The following POTEH variants were observed in gnomAD, a reference collection of about 807,000 sequenced individuals.
POTEH encodes the protein ANKRD26-like family C member 3.
Under a neutral mutation model 41.7 loss-of-function variants are expected in POTEH, and 6 were observed. The ratio of observed to expected loss-of-function variants is 0.14; its 90% CI spans 0.08 to 0.28. The LOEUF is 0.28. Among genes scored for constraint, POTEH ranks in the 10% least tolerant of loss-of-function variants. The pLI is 1.00. For missense variants in POTEH, 115 were observed against 533.5 expected (o/e 0.22, Z 7.73); for synonymous variants, 38 against 179.9 (o/e 0.21, Z 6.31).
chr22:15,713,536 G>T (rs1989864226), intron 9 of POTEH, among the ~76,000 whole-genome samples: 1 of 151,714 alleles, frequency 6.6e-6, no homozygotes. Context: ...GTCTGGCTTT[G>T]TCCCCTAGGC....
At chr22:15,719,611 C>CCAGT (rs1989985799) in intron 9 of POTEH, 49 bp from the exon 10 acceptor site, 3 of 511,392 alleles carry the variant, frequency 5.9e-6, no homozygotes, top group Non-Finnish European at 1.0e-5. Flanking sequence ...CCCTGTAGAT[C>CCAGT]ATTTTGGGGA....
At chr22:15,692,910 T>A (rs866220796) in intron 1 of POTEH, among the ~76,000 whole-genome samples, 3 of 126,194 alleles carry the variant, frequency 2.4e-5, no homozygotes, top group Admixed American at 8.1e-5. Context: ...TGCTTTTTAC[T>A]CATCAGTTCC....
chr22:15,690,063 G>C lies in POTEH; in HGVS notation c.-15G>C. The stretch of plus-strand genomic sequence containing the variant: ...CTGCTGGCTACTACCGGCCTTCCCT[G>C]GCTGTTAAAAGCAGATGGTGGCTGA... On this transcript the variant is annotated 5_prime_UTR_variant, in exon 1 of 11. Transcript: ENST00000343518. 2 of 1,398,194 alleles carry C rather than the reference G, an allele frequency of 1.4e-6. 1 individual carries two copies. Among genetic ancestry groups the C allele is most frequent in the Non-Finnish European group, 2.0e-6 (2 of 1,008,136 alleles). 86.6% of individuals were successfully genotyped at this position (1,398,194 alleles called of 1,614,324 possible). A position where few individuals can be genotyped will look rare whatever the true frequency, so the allele number is the denominator to read the frequency against.
chr22:15,692,108 C>A (rs1989334090), intron 1 of POTEH, among the ~76,000 whole-genome samples: 1 of 131,256 alleles, frequency 7.6e-6, no homozygotes, highest in South Asian at 2.4e-4. Flanking sequence ...TAGGTTCAAG[C>A]AATTCTCTGC....
At position 15,721,589 on chromosome 22, in the gene POTEH, G is replaced by GCATA; in HGVS notation, c.*305_*306insCATA. Reference sequence around the variant, plus strand: ...CCCCCGGGCTGTCTTCCCTTCCATCGTGGGGTGCCCCAGGCACCAGAACAT... The same window carrying GCATA: ...CCCCCGGGCTGTCTTCCCTTCCATCGCATATGGGGTGCCCCAGGCACCAGAACAT... On this transcript the variant is annotated 3_prime_UTR_variant, in exon 11 of 11. Coordinates refer to ENST00000343518, the MANE Select transcript of POTEH (RefSeq NM_001136213.1). The GCATA allele has an allele frequency of 6.6e-7, 1 of 1,521,184 alleles. No homozygotes were observed. The highest frequency in any genetic ancestry group is 8.9e-7 in the Non-Finnish European group (1 of 1,125,566). 94.2% of individuals were successfully genotyped at this position (1,521,184 alleles called of 1,614,324 possible).
intron 9 of POTEH, among the ~76,000 whole-genome samples, chr22:15,718,332 G>T (rs1989950622): frequency 2.7e-5 from 1 of 37,500 alleles, no homozygotes; most frequent in East Asian, 6.7e-4. Flanking sequence ...GACTGCTTTG[G>T]GCACTGTGGT....
At chr22:15,718,954 C>T (rs1228592909) in intron 9 of POTEH, among the ~76,000 whole-genome samples, 4 of 147,048 alleles carry the variant, frequency 2.7e-5, no homozygotes. Flanking sequence ...ACATAGGAAT[C>T]AAGAATATAA....
intron 1 of POTEH, among the ~76,000 whole-genome samples, chr22:15,692,325 C>T (rs1256022792): frequency 6.8e-6 from 1 of 146,160 alleles, no homozygotes; most frequent in Non-Finnish European, 1.5e-5. Flanking sequence ...ATAAAATAAG[C>T]ACATTTTAAA....
intron 9 of POTEH, among the ~76,000 whole-genome samples, chr22:15,717,453 A>T (rs1196500798): frequency 3.2e-5 from 3 of 92,506 alleles, no homozygotes; most frequent in Middle Eastern, 5.0e-3. Context: ...ATCCACACCA[A>T]CATCTGTTTT....
chr22:15,694,753 G>A (rs2818588), intron 1 of POTEH, among the ~76,000 whole-genome samples: 1,945 of 93,596 alleles, frequency 0.021, 1 homozygote, highest in Non-Finnish European at 0.025. Context: ...TTTAAATGCC[G>A]CCAATTATAG....
intron 1 of POTEH, among the ~76,000 whole-genome samples, chr22:15,692,903 T>G (rs1989360466): frequency 7.9e-6 from 1 of 126,778 alleles, no homozygotes; most frequent in African/African-American, 2.8e-5. Flanking sequence ...AATGTTATGC[T>G]TTTTACTCAT....
intron 9 of POTEH, among the ~76,000 whole-genome samples, chr22:15,713,503 CAT>C (rs1491178904): frequency 0.07 from 8,677 of 123,848 alleles, no homozygotes; most frequent in Non-Finnish European, 0.11. Flanking sequence ...TTTCTCATGA[CAT>C]TTTTTTTTTT....
intron 1 of POTEH, among the ~76,000 whole-genome samples, chr22:15,691,285 A>T (rs1989303087): frequency 7.1e-6 from 1 of 140,048 alleles, no homozygotes; most frequent in Non-Finnish European, 1.6e-5. Flanking sequence ...GCACTTTGGG[A>T]GGCTGAGGAG....
In POTEH at chr22:15,691,386, C is replaced by T. The variant is rs1354507446; in HGVS notation, c.632+677C>T. On this transcript the variant is annotated intron_variant, in intron 1 of 10. Coordinates refer to ENST00000343518, the MANE Select transcript of POTEH (RefSeq NM_001136213.1). The stretch of plus-strand genomic sequence containing the variant: ...AAAAATATAAAAAAAATTAGCTGGA[C>T]GCGGTGGCAGGCACCTGTAGTCCCA... Among the ~76,000 whole-genome samples the T allele has an allele frequency of 6.3e-5, 8 of 127,494 alleles. 1 individual carries two copies. Among genetic ancestry groups the T allele is most frequent in the South Asian group, 2.5e-4 (1 of 4,070 alleles). The allele number at this position is 127,494 out of a possible 152,430, so 83.6% of individuals were successfully genotyped here. A position where few individuals can be genotyped will look rare whatever the true frequency, so the allele number is the denominator to read the frequency against.
intron 9 of POTEH, among the ~76,000 whole-genome samples, chr22:15,713,205 T>C (rs1455494364): frequency 4.0e-4 from 61 of 152,144 alleles, no homozygotes; most frequent in African/African-American, 1.5e-3. Context: ...AGTCTTCAAT[T>C]TCAGCACTCC....
rs1989422327 is a variant in POTEH, at chr22:15,695,789, T to C, written c.892T>C (p.Tyr298His). Reference protein sequence around the residue: ...DKLMAKALLLYGADIESKNKH... With the variant: ...DKLMAKALLLHGADIESKNKH... The stretch of plus-strand genomic sequence containing the variant: ...ATTAATGGCCAAAGCACTGCTCTTA[T>C]ACGGTGCTGATATCGAATCAAAAAA... Residue 298 changes from tyrosine to histidine, a missense_variant, in exon 3 of 11, where the codon TAC (tyrosine) becomes CAC (histidine). Tyr to His is a moderately conservative substitution (Grantham distance 83). Coordinates refer to ENST00000343518, the MANE Select transcript of POTEH (RefSeq NM_001136213.1). 4.4e-5 allele frequency: 1 copy of C among 22,526 alleles called. No individual in the cohort carries two copies. The highest frequency in any genetic ancestry group is 7.6e-5 in the Non-Finnish European group (1 of 13,244). 1.4% of individuals were successfully genotyped at this position (22,526 alleles called of 1,614,324 possible). A position where few individuals can be genotyped will look rare whatever the true frequency, so the allele number is the denominator to read the frequency against.
At chr22:15,714,228 T>C (rs1989883717) in intron 9 of POTEH, among the ~76,000 whole-genome samples, 1 of 152,104 alleles carries the variant, frequency 6.6e-6, no homozygotes, top group Admixed American at 6.5e-5. Flanking sequence ...GCCATCTAGA[T>C]GAGTGTCATA....
chr22:15,718,339 TG>T (rs1989950949), intron 9 of POTEH, among the ~76,000 whole-genome samples: 1 of 50,458 alleles, frequency 2.0e-5, no homozygotes, highest in Non-Finnish European at 3.8e-5. Flanking sequence ...TTGGGCACTG[TG>T]GTCATTTTCA....
At chr22:15,691,241 T>A (rs1325462857) in intron 1 of POTEH, among the ~76,000 whole-genome samples, 1 of 141,058 alleles carries the variant, frequency 7.1e-6, no homozygotes, top group African/African-American at 2.6e-5. Context: ...GTGAGCTTTT[T>A]GGCTGGGCGT....
Sources: allele counts gnomAD v4.1 joint callset (sites outside exome capture counted in the v4.1 genomes callset), GRCh38; gene constraint gnomAD v4.1.1; transcripts MANE v1.5; gene names NCBI Gene and HGNC (gene_info 2026-07-23, HGNC 2026-07-21).